Variants in CDH13 observed in about 807,000 individuals in gnomAD.
The protein encoded by CDH13 is cadherin-13.
CDH13 carries 24 observed loss-of-function variants against 63.8 expected under a neutral mutation model. The observed-to-expected ratio is 0.38, with a 90% CI of 0.27 to 0.53. The LOEUF is 0.53. Among genes scored for constraint, CDH13 ranks in the 20% least tolerant of loss-of-function variants. The pLI, the probability that CDH13 is intolerant of heterozygous loss-of-function variation, is 0.85. For missense variants in CDH13, 1,049 were observed against 903.1 expected, an observed-to-expected ratio of 1.16 and a Z score of -2.07; for synonymous variants, 503 against 355.3, an observed-to-expected ratio of 1.42 and a Z score of -4.67.
chr16:83,084,142 C>G (rs1371772184), intron 3 of CDH13, among the ~76,000 whole-genome samples: 2 of 152,130 alleles, frequency 1.3e-5, no homozygotes, highest in Non-Finnish European at 1.5e-5. Flanking sequence ...TCTTCACACC[C>G]AATAAATTGC....
At chr16:83,172,049 A>T (rs1399915007) in intron 4 of CDH13, among the ~76,000 whole-genome samples, 1 of 152,140 alleles carries the variant, frequency 6.6e-6, no homozygotes, top group East Asian at 1.9e-4. Flanking sequence ...AGTAATTCAG[A>T]GTGTGACCTT....
chr16:83,044,914 G>C, intron 3 of CDH13, among the ~76,000 whole-genome samples: 1 of 152,266 alleles, frequency 6.6e-6, no homozygotes, highest in East Asian at 1.9e-4. Flanking sequence ...GATAGAACAA[G>C]ATAATGTAAT....
chr16:82,660,785 C>T (rs1001177070), intron 1 of CDH13, among the ~76,000 whole-genome samples: 1 of 152,032 alleles, frequency 6.6e-6, no homozygotes, highest in African/African-American at 2.4e-5. Flanking sequence ...GGTTTTCTTT[C>T]CCCCCTCGTT....
intron 8 of CDH13, among the ~76,000 whole-genome samples, chr16:83,635,106 C>G (rs567273593): frequency 7.7e-4 from 117 of 152,206 alleles, no homozygotes; most frequent in African/African-American, 2.8e-3. Context: ...TTCATTATAA[C>G]CATTCTGTTC....
At chr16:83,536,279 A>G (rs534678514) in intron 7 of CDH13, among the ~76,000 whole-genome samples, 1 of 152,338 alleles carries the variant, frequency 6.6e-6, no homozygotes, top group African/African-American at 2.4e-5. Context: ...AAGCATAGTA[A>G]GAAAGATAGT....
At chr16:83,713,310 C>G (rs994889610) in intron 10 of CDH13, among the ~76,000 whole-genome samples, 8 of 152,208 alleles carry the variant, frequency 5.3e-5, no homozygotes, top group African/African-American at 1.9e-4. Context: ...GGGAGCTCAC[C>G]TCATCTTCTG....
chr16:83,434,472 C>G (rs1357206578), intron 6 of CDH13, among the ~76,000 whole-genome samples: 3 of 152,022 alleles, frequency 2.0e-5, no homozygotes, highest in African/African-American at 4.8e-5. Flanking sequence ...TCTCTTCACC[C>G]CATCTCATTC....
chr16:83,384,737 T>A (rs76854262), intron 6 of CDH13, among the ~76,000 whole-genome samples: 1 of 152,200 alleles, frequency 6.6e-6, no homozygotes, highest in African/African-American at 2.4e-5. Flanking sequence ...TGTGGATCAA[T>A]GTGGACTAAT....
At chr16:83,156,051 G>C (rs1204727995) in intron 4 of CDH13, among the ~76,000 whole-genome samples, 1 of 152,174 alleles carries the variant, frequency 6.6e-6, no homozygotes, top group African/African-American at 2.4e-5. Flanking sequence ...TCTGGTGTGG[G>C]TCTGAAGGCT....
intron 5 of CDH13, among the ~76,000 whole-genome samples, chr16:83,320,456 C>A (rs1373132718): frequency 1.3e-5 from 2 of 152,130 alleles, no homozygotes. Context: ...AAGTGGTAGG[C>A]TGGACACAGG....
At chr16:83,057,971 T>A (rs1047022141) in intron 3 of CDH13, among the ~76,000 whole-genome samples, 7 of 152,254 alleles carry the variant, frequency 4.6e-5, no homozygotes, top group Admixed American at 1.3e-4. Flanking sequence ...TGATATTTTT[T>A]AAAAAAATAA....
chr16:83,664,411 C>T (rs948919081), intron 8 of CDH13, among the ~76,000 whole-genome samples: 1 of 152,084 alleles, frequency 6.6e-6, no homozygotes, highest in South Asian at 2.1e-4. Context: ...TCTGAGACAT[C>T]GGGCTTTCTT....
chr16:83,781,443 T>C (rs1915515814), intron 12 of CDH13, among the ~76,000 whole-genome samples: 1 of 152,246 alleles, frequency 6.6e-6, no homozygotes, highest in African/African-American at 2.4e-5. Context: ...AGACAGAGAA[T>C]TACGCATTTC....
intron 6 of CDH13, among the ~76,000 whole-genome samples, chr16:83,397,099 C>T (rs2091899082): frequency 1.3e-5 from 2 of 152,108 alleles, no homozygotes; most frequent in Non-Finnish European, 2.9e-5. Context: ...ACCGCCGCCC[C>T]CTTACCCCCA....
intron 1 of CDH13, among the ~76,000 whole-genome samples, chr16:82,721,977 C>T (rs929179665): frequency 6.6e-6 from 1 of 152,114 alleles, no homozygotes; most frequent in African/African-American, 2.4e-5. Flanking sequence ...GTTCTGTGTC[C>T]CTACCCTCTC....
intron 8 of CDH13, among the ~76,000 whole-genome samples, chr16:83,631,543 C>A (rs190922512): frequency 6.6e-6 from 1 of 152,036 alleles, no homozygotes; most frequent in Admixed American, 6.5e-5. Flanking sequence ...TGATGGAGTT[C>A]TTTCATTTAG....
chr16:83,084,230 G>C (rs1376594874), intron 3 of CDH13, among the ~76,000 whole-genome samples: 1 of 152,236 alleles, frequency 6.6e-6, no homozygotes, highest in Non-Finnish European at 1.5e-5. Flanking sequence ...TGAGGAAAAA[G>C]TGTGTGACTG....
rs546324709 is a variant in CDH13 at position 82,906,856 on chromosome 16, C to G, written c.157+48383C>G. On this transcript the variant is annotated intron_variant, in intron 2 of 13. Transcript: ENST00000567109. ...TCTGCTTCCATTGTCTCATGACCTCCTCTTCTGCCTCTCTGTCTGTGTGTC... is the reference window on the plus strand; with the variant it reads ...TCTGCTTCCATTGTCTCATGACCTCGTCTTCTGCCTCTCTGTCTGTGTGTC... 2.0e-5 allele frequency among the ~76,000 whole-genome samples: 3 copies of G among 152,290 alleles called. No individual in the cohort carries two copies. In the South Asian group the frequency reaches 6.2e-4, roughly 32 times the overall value.
chr16:83,722,191 G>A (rs1029644085), intron 10 of CDH13, among the ~76,000 whole-genome samples: 5 of 151,964 alleles, frequency 3.3e-5, no homozygotes, highest in Admixed American at 6.6e-5. Context: ...TATGTGAACC[G>A]ATGCTGGCTA....
Sources: gnomAD v4.1 joint callset for allele counts (sites outside exome capture counted in the v4.1 genomes callset) on GRCh38, gnomAD v4.1.1 for gene constraint, MANE v1.5 for transcripts, NCBI Gene and HGNC (gene_info 2026-07-23, HGNC 2026-07-21) for gene names.